Variants in PLXDC2 observed in about 807,000 individuals in gnomAD.
The protein encoded by PLXDC2 is plexin domain containing 2.
PLXDC2 carries 40 observed loss-of-function variants against 68.9 expected under a neutral mutation model. The observed-to-expected ratio is 0.58, with a 90% confidence interval of 0.45 to 0.76. PLXDC2 has a LOEUF of 0.76. PLXDC2 is among the 30% of genes least tolerant of loss of function. The pLI is 0.00. For synonymous variants in PLXDC2, 243 were observed against 234.2 expected, an observed-to-expected ratio of 1.04 and a Z score of -0.34; for missense variants, 644 against 661.9, an observed-to-expected ratio of 0.97 and a Z score of 0.30.
chr10:20,249,807 C>A (rs1315334935), intron 13 of PLXDC2, among the ~76,000 whole-genome samples: 1 of 152,110 alleles, frequency 6.6e-6, no homozygotes, highest in African/African-American at 2.4e-5. Context: ...TCACACGCTT[C>A]CAATTAAACT....
At chr10:20,220,435 G>A (rs1835194059) in intron 12 of PLXDC2, among the ~76,000 whole-genome samples, 1 of 152,164 alleles carries the variant, frequency 6.6e-6, no homozygotes, top group South Asian at 2.1e-4. Flanking sequence ...CTTAATATGG[G>A]TGGTCATTAT....
chr10:20,045,619 T>C (rs987202327), intron 2 of PLXDC2, among the ~76,000 whole-genome samples: 2 of 152,144 alleles, frequency 1.3e-5, no homozygotes, highest in Non-Finnish European at 2.9e-5. Flanking sequence ...CAGTTACATA[T>C]ATATCTTGAT....
At chr10:19,843,396 CCT>C (rs1836942801) in intron 1 of PLXDC2, among the ~76,000 whole-genome samples, 2 of 151,900 alleles carry the variant, frequency 1.3e-5, no homozygotes, top group South Asian at 4.2e-4. Flanking sequence ...AGAGTCTACC[CCT>C]GTTATCGTAG....
At chr10:19,926,294 C>T (rs75823339) in intron 1 of PLXDC2, among the ~76,000 whole-genome samples, 5,753 of 152,222 alleles carry the variant, frequency 0.038, 216 homozygotes, top group East Asian at 0.17. Flanking sequence ...GAGATTACAT[C>T]CTCATTGGAA....
chr10:20,115,962 C>G (rs1833615703), intron 4 of PLXDC2, among the ~76,000 whole-genome samples: 1 of 152,152 alleles, frequency 6.6e-6, no homozygotes, highest in African/African-American at 2.4e-5. Context: ...CACGATGACC[C>G]TTTTTATTCT....
At chr10:20,197,841 A>T (rs968843492) in intron 9 of PLXDC2, among the ~76,000 whole-genome samples, 3 of 152,140 alleles carry the variant, frequency 2.0e-5, no homozygotes, top group Non-Finnish European at 2.9e-5. Context: ...ATAAATAAAA[A>T]GCCAAATTGT....
chr10:20,177,480 A>T, intron 9 of PLXDC2, 71 bp downstream of exon 9: 1 of 800,898 alleles, frequency 1.2e-6, no homozygotes, highest in Non-Finnish European at 1.7e-6. Flanking sequence ...ATTAAAAATA[A>T]CTTATGGACA....
intron 9 of PLXDC2, among the ~76,000 whole-genome samples, chr10:20,201,701 C>T (rs961566334): frequency 1.8e-4 from 27 of 152,044 alleles, no homozygotes; most frequent in African/African-American, 6.3e-4. Context: ...GATCACTATA[C>T]ATTGTATGTA....
At chr10:20,162,413 T>C (rs904362985) in intron 6 of PLXDC2, among the ~76,000 whole-genome samples, 3 of 152,094 alleles carry the variant, frequency 2.0e-5, no homozygotes, top group Non-Finnish European at 4.4e-5. Flanking sequence ...GGTAAAGCCT[T>C]TTTCAACTTG....
intron 2 of PLXDC2, among the ~76,000 whole-genome samples, chr10:20,016,218 A>G (rs1049169438): frequency 1.3e-5 from 2 of 152,236 alleles, no homozygotes; most frequent in African/African-American, 4.8e-5. Flanking sequence ...TAAAGCATCC[A>G]TTGATTTGAA....
At chr10:20,075,501 T>C (rs1335999457) in intron 4 of PLXDC2, among the ~76,000 whole-genome samples, 3 of 152,158 alleles carry the variant, frequency 2.0e-5, no homozygotes, top group African/African-American at 7.2e-5. Context: ...TGTTGTTTTG[T>C]CTTTCACGAA....
chr10:19,960,582 T>A (rs1834140742), intron 1 of PLXDC2, among the ~76,000 whole-genome samples: 1 of 152,126 alleles, frequency 6.6e-6, no homozygotes, highest in Non-Finnish European at 1.5e-5. Flanking sequence ...TCTATGAAAG[T>A]AGAACACTTC....
At chr10:19,992,794 A>G (rs1350178492) in intron 1 of PLXDC2, among the ~76,000 whole-genome samples, 1 of 152,160 alleles carries the variant, frequency 6.6e-6, no homozygotes, top group Non-Finnish European at 1.5e-5. Flanking sequence ...ATGATGGGAT[A>G]TCCTATTTCT....
chr10:19,825,349 C>T (rs1018573171), intron 1 of PLXDC2, among the ~76,000 whole-genome samples: 12 of 152,062 alleles, frequency 7.9e-5, no homozygotes, highest in East Asian at 7.7e-4. Context: ...CATAGGAATC[C>T]GAATATTTGA....
chr10:20,167,614 G>T (rs1241336712), intron 7 of PLXDC2, among the ~76,000 whole-genome samples: 2 of 152,122 alleles, frequency 1.3e-5, no homozygotes, highest in East Asian at 1.9e-4. Context: ...TCTAAGTAGT[G>T]AGTAGTTTCA....
intron 1 of PLXDC2, among the ~76,000 whole-genome samples, chr10:19,937,322 A>C (rs1312984950): frequency 6.6e-6 from 1 of 151,700 alleles, no homozygotes; most frequent in Non-Finnish European, 1.5e-5. Flanking sequence ...TCTGCCCTCA[A>C]TCGGAATATG....
chr10:20,038,370 G>A (rs555693925), intron 2 of PLXDC2, among the ~76,000 whole-genome samples: 1 of 152,272 alleles, frequency 6.6e-6, no homozygotes, highest in South Asian at 2.1e-4. Context: ...GGGAAATGAT[G>A]AAGATATGGG....
chr10:20,191,281 T>G (rs2131839163), intron 9 of PLXDC2, among the ~76,000 whole-genome samples: 1 of 151,996 alleles, frequency 6.6e-6, no homozygotes, highest in Admixed American at 6.6e-5. Context: ...ACTAATTTTT[T>G]TCTCCTTCCT....
chr10:20,241,171 T>C lies in PLXDC2; in HGVS notation c.1313-4174T>C, dbSNP rs138662008. Among the ~76,000 whole-genome samples, 31 of 152,308 alleles carry C rather than the reference T, an allele frequency of 2.0e-4. No individual in the cohort carries two copies. In the East Asian group the frequency reaches 2.3e-3, roughly 11 times the overall value. ...AGGAGATAATGTCACTAAATTATTA[T>C]TGGAAGTATGAATAAATAATAATTG... On this transcript the variant is annotated intron_variant, in intron 12 of 13. Transcript: ENST00000377252.
Sources: allele counts gnomAD v4.1 joint callset (sites outside exome capture counted in the v4.1 genomes callset), GRCh38; gene constraint gnomAD v4.1.1; transcripts MANE v1.5; gene names NCBI Gene and HGNC (gene_info 2026-07-23, HGNC 2026-07-21).